The following UBE3D variants were observed in gnomAD, a reference collection of about 807,000 sequenced individuals.
The protein encoded by UBE3D is ubiquitin protein ligase E3D, also known as E3 ubiquitin-protein ligase E3D.
In UBE3D, 48 loss-of-function variants were observed where a neutral mutation model predicts 49.6. The ratio of observed to expected loss-of-function variants is 0.97; its 90% CI spans 0.77 to 1.23. UBE3D has a LOEUF of 1.23. Among genes scored for constraint, UBE3D ranks in the 50% most tolerant of loss-of-function variants. UBE3D has a pLI of 0.00. For missense variants in UBE3D, 452 were observed against 468.4 expected (o/e 0.96, Z 0.32); for synonymous variants, 189 against 174.2 (o/e 1.08, Z -0.67).
intron 6 of UBE3D, among the ~76,000 whole-genome samples, chr6:83,023,006 A>C (rs896756038): frequency 6.6e-6 from 1 of 152,230 alleles, no homozygotes; most frequent in Admixed American, 6.5e-5. Context: ...ACAGAATCAA[A>C]GTATTTACAT....
At chr6:82,946,519 C>T (rs111339246) in intron 9 of UBE3D, among the ~76,000 whole-genome samples, 12 of 152,164 alleles carry the variant, frequency 7.9e-5, no homozygotes, top group African/African-American at 2.9e-4. Context: ...GAGAGGACTT[C>T]AATCAGAAAG....
At chr6:82,912,777 C>T (rs947246981) in intron 9 of UBE3D, among the ~76,000 whole-genome samples, 1 of 152,186 alleles carries the variant, frequency 6.6e-6, no homozygotes, top group East Asian at 1.9e-4. Flanking sequence ...CGTAGTCATC[C>T]TCTGGATGTA....
intron 1 of UBE3D, among the ~76,000 whole-genome samples, chr6:83,059,847 C>G (rs920879295): frequency 5.3e-5 from 8 of 152,090 alleles, no homozygotes; most frequent in Non-Finnish European, 7.3e-5. Flanking sequence ...AGGGCATCCA[C>G]CAGGAGGACC....
chr6:83,065,013 T>G (rs1038451152), intron 1 of UBE3D, among the ~76,000 whole-genome samples: 3 of 152,176 alleles, frequency 2.0e-5, no homozygotes. Context: ...ATAGAGAACA[T>G]TTTTCCTAAA....
chr6:82,949,287 T>G (rs940448757), intron 9 of UBE3D, among the ~76,000 whole-genome samples: 1 of 151,784 alleles, frequency 6.6e-6, no homozygotes, highest in African/African-American at 2.4e-5. Context: ...CAGAGTAAAA[T>G]CACTTAGGAA....
chr6:83,018,963 C>T lies in UBE3D; in HGVS notation c.1010+10G>A. On this transcript the variant is annotated intron_variant, in intron 8 of 9. Coordinates refer to ENST00000369747, the MANE Select transcript of UBE3D (RefSeq NM_198920.3). ...ATAATGTGGAAAGAGAAAACAAATG[C>T]ACAACTTACTTTTCATTCCTGCTTT... is the stretch of plus-strand genomic sequence containing the variant. 6.2e-7 allele frequency: 1 copy of T among 1,610,120 alleles called. No homozygotes were observed. The highest frequency in any genetic ancestry group is 8.5e-7 in the Non-Finnish European group (1 of 1,178,716).
At chr6:82,930,294 C>G (rs1345396144) in intron 9 of UBE3D, among the ~76,000 whole-genome samples, 1 of 152,104 alleles carries the variant, frequency 6.6e-6, no homozygotes, top group Non-Finnish European at 1.5e-5. Flanking sequence ...TTATAAATAT[C>G]CAGTCTCAGA....
chr6:83,029,477 TTTGCTATCTG>T (rs1781714653), intron 5 of UBE3D, among the ~76,000 whole-genome samples: 2 of 152,332 alleles, frequency 1.3e-5, no homozygotes, highest in Admixed American at 1.3e-4. Flanking sequence ...TTTATTGAGA[TTTGCTATCTG>T]TTCAAAGCTT....
intron 8 of UBE3D, among the ~76,000 whole-genome samples, chr6:82,959,826 C>T (rs1302593608): frequency 6.6e-6 from 1 of 151,652 alleles, no homozygotes; most frequent in Non-Finnish European, 1.5e-5. Context: ...TGCCAGTCCA[C>T]ACCCCTTCAA....
intron 9 of UBE3D, among the ~76,000 whole-genome samples, chr6:82,899,317 T>C (rs1046586434): frequency 6.6e-5 from 10 of 152,076 alleles, no homozygotes; most frequent in Non-Finnish European, 2.9e-5. Context: ...ACAGAAACAA[T>C]AGACTAAGGG....
the UBE3D span, among the ~76,000 whole-genome samples, chr6:82,886,025 C>A: frequency 6.6e-6 from 1 of 152,200 alleles, no homozygotes; most frequent in East Asian, 1.9e-4. Context: ...TCATCACTCA[C>A]TGCTTTGCCA....
intron 8 of UBE3D, among the ~76,000 whole-genome samples, chr6:82,983,513 T>C (rs62419173): frequency 0.098 from 14,839 of 151,990 alleles, 831 homozygotes; most frequent in Non-Finnish European, 0.13. Flanking sequence ...TCAATACTTT[T>C]AGGCTTTTTC....
intron 5 of UBE3D, among the ~76,000 whole-genome samples, chr6:83,031,200 G>A (rs1202823978): frequency 2.0e-5 from 3 of 152,128 alleles, no homozygotes; most frequent in Non-Finnish European, 4.4e-5. Flanking sequence ...GTAGAGACAA[G>A]GTTTCACCAT....
At chr6:82,977,654 A>G (rs1161829324) in intron 8 of UBE3D, among the ~76,000 whole-genome samples, 2 of 152,182 alleles carry the variant, frequency 1.3e-5, no homozygotes, top group Non-Finnish European at 2.9e-5. Context: ...CCTGGCCAAC[A>G]TGGTGAAACC....
At chr6:82,996,892 A>G (rs1779279694) in intron 8 of UBE3D, among the ~76,000 whole-genome samples, 1 of 152,232 alleles carries the variant, frequency 6.6e-6, no homozygotes, top group African/African-American at 2.4e-5. Flanking sequence ...CTGGAATAGA[A>G]AAAAGGACAT....
At chr6:82,985,330 T>C (rs976771971) in intron 8 of UBE3D, among the ~76,000 whole-genome samples, 5 of 152,064 alleles carry the variant, frequency 3.3e-5, no homozygotes, top group Admixed American at 3.3e-4. Flanking sequence ...TATTTTCTTT[T>C]AGTACTTATG....
At chr6:82,970,131 A>G (rs977423793) in intron 8 of UBE3D, among the ~76,000 whole-genome samples, 8 of 148,828 alleles carry the variant, frequency 5.4e-5, no homozygotes, top group Non-Finnish European at 1.0e-4. Flanking sequence ...TATACTAGAA[A>G]TGATATACTA....
chr6:83,053,709 G>A (rs560258903), intron 3 of UBE3D, among the ~76,000 whole-genome samples: 1 of 152,300 alleles, frequency 6.6e-6, no homozygotes, highest in Non-Finnish European at 1.5e-5. Context: ...GTTTTAATAA[G>A]CAGGAGAAAT....
At chr6:83,033,448 T>C (rs1782022728) in intron 5 of UBE3D, among the ~76,000 whole-genome samples, 1 of 152,102 alleles carries the variant, frequency 6.6e-6, no homozygotes, top group African/African-American at 2.4e-5. Flanking sequence ...TTGTAATCCC[T>C]AATGTTGGAG....
Sources: allele counts gnomAD v4.1 joint callset (sites outside exome capture counted in the v4.1 genomes callset), GRCh38; gene constraint gnomAD v4.1.1; transcripts MANE v1.5; gene names NCBI Gene and HGNC (gene_info 2026-07-23, HGNC 2026-07-21).